Variants in TRAPPC8 observed in about 807,000 individuals in gnomAD.
TRAPPC8 encodes trafficking protein particle complex subunit 8, also known as general sporulation gene 1 homolog.
In TRAPPC8, 54 loss-of-function variants were observed where a neutral mutation model predicts 174.3. That is an observed-to-expected ratio of 0.31 (90% CI 0.25 to 0.39). TRAPPC8 has a LOEUF of 0.39. TRAPPC8 is among the 10% of genes least tolerant of loss of function. The pLI, the probability that TRAPPC8 is intolerant of heterozygous loss-of-function variation, is 1.00. For missense variants in TRAPPC8, 1,531 were observed against 1,699.1 expected (o/e 0.90, Z 1.74); for synonymous variants, 630 against 579.9 (o/e 1.09, Z -1.24).
At chr18:31,858,051 T>C (rs2145109258) in intron 19 of TRAPPC8, 69 bp from the exon 20 acceptor site, 1 of 1,316,366 alleles carries the variant, frequency 7.6e-7, no homozygotes, top group East Asian at 2.4e-5. Context: ...AATAACACTT[T>C]AAGACACTTT....
At chr18:31,898,966 G>A (rs952290796) in intron 10 of TRAPPC8, among the ~76,000 whole-genome samples, 8 of 152,014 alleles carry the variant, frequency 5.3e-5, no homozygotes, top group Non-Finnish European at 7.4e-5. Context: ...CATTCTAAAC[G>A]ATGAACAGTA....
At chr18:31,918,161 G>A (rs1217887128) in intron 2 of TRAPPC8, among the ~76,000 whole-genome samples, 2 of 151,814 alleles carry the variant, frequency 1.3e-5, no homozygotes, top group Non-Finnish European at 2.9e-5. Flanking sequence ...GAGTATATAT[G>A]TACACACACC....
intron 1 of TRAPPC8, among the ~76,000 whole-genome samples, chr18:31,932,654 A>C (rs866776098): frequency 6.6e-6 from 1 of 152,096 alleles, no homozygotes; most frequent in Non-Finnish European, 1.5e-5. Flanking sequence ...TTTTCACATA[A>C]TCAGACAAAA....
chr18:31,863,339 A>C (rs1433283177), intron 19 of TRAPPC8, among the ~76,000 whole-genome samples: 1 of 152,208 alleles, frequency 6.6e-6, no homozygotes, highest in Admixed American at 6.5e-5. Flanking sequence ...AAATTTATAT[A>C]TCTCTCCACC....
chr18:31,902,741 G>C (rs1214357699), intron 9 of TRAPPC8, among the ~76,000 whole-genome samples: 1 of 152,048 alleles, frequency 6.6e-6, no homozygotes, highest in African/African-American at 2.4e-5. Flanking sequence ...CCATTTGCCG[G>C]GTTTTCTGTT....
chr18:31,924,317 C>T (rs1411898971), intron 2 of TRAPPC8, among the ~76,000 whole-genome samples: 3 of 137,990 alleles, frequency 2.2e-5, no homozygotes, highest in Non-Finnish European at 4.7e-5. Context: ...AGTTGGGCGT[C>T]GTGGTGGGCG....
In TRAPPC8 at chr18:31,880,081, G is replaced by GAAAAAAAA. The variant is rs749972515; in HGVS notation, c.1729-5385_1729-5378dup. Among the ~76,000 whole-genome samples, 71 of 52,648 alleles carry GAAAAAAAA rather than the reference G, an allele frequency of 1.3e-3. 1 individual carries two copies. Among genetic ancestry groups the GAAAAAAAA allele is most frequent in the African/African-American group, 5.2e-3 (55 of 10,612 alleles). 34.5% of individuals were successfully genotyped at this position (52,648 alleles called of 152,430 possible). A position where few individuals can be genotyped will look rare whatever the true frequency, so the allele number is the denominator to read the frequency against. ...TGGTACCAATTTTACTGAAACTATTGAAAAAAAAAATATATATATATATAT... is the reference window on the plus strand; with the variant it reads ...TGGTACCAATTTTACTGAAACTATTGAAAAAAAAAAAAAAAAAATATATATATATATAT... On this transcript the variant is annotated intron_variant, in intron 12 of 28. Transcript: ENST00000283351.
At chr18:31,924,412 C>T (rs1404157067) in intron 2 of TRAPPC8, among the ~76,000 whole-genome samples, 2 of 150,392 alleles carry the variant, frequency 1.3e-5, no homozygotes, top group Non-Finnish European at 2.9e-5. Context: ...CAAGATCGCG[C>T]TAGTGCACTC....
chr18:31,901,640 CCAGA>C (rs1222542621), intron 9 of TRAPPC8, among the ~76,000 whole-genome samples: 1 of 152,130 alleles, frequency 6.6e-6, no homozygotes, highest in Non-Finnish European at 1.5e-5. Context: ...ATTCTGGTGT[CCAGA>C]CAATTACGAA....
intron 9 of TRAPPC8, among the ~76,000 whole-genome samples, chr18:31,903,121 CGT>C (rs3837889): frequency 0.01 from 1,555 of 149,048 alleles, 14 homozygotes; most frequent in African/African-American, 0.012. Flanking sequence ...TGCGTGCGTG[CGT>C]GTGTGTGTGT....
chr18:31,909,236 A>G (rs1173972055), intron 6 of TRAPPC8, among the ~76,000 whole-genome samples: 1 of 152,072 alleles, frequency 6.6e-6, no homozygotes, highest in Non-Finnish European at 1.5e-5. Context: ...GAAAATCGGT[A>G]TAAACCAGGA....
At chr18:31,869,002 CTT>C (rs111488120) in intron 16 of TRAPPC8, among the ~76,000 whole-genome samples, 28 of 141,214 alleles carry the variant, frequency 2.0e-4, no homozygotes, top group Admixed American at 1.4e-4. Flanking sequence ...TTCCAAAATC[CTT>C]TTTTTTTTTT....
At chr18:31,864,033 A>T (rs2034465133) in intron 19 of TRAPPC8, among the ~76,000 whole-genome samples, 1 of 147,976 alleles carries the variant, frequency 6.8e-6, no homozygotes, top group African/African-American at 2.4e-5. Flanking sequence ...AATATGTTCT[A>T]TAAAATATAA....
At chr18:31,866,602 GA>G (rs1284300152) in intron 18 of TRAPPC8, among the ~76,000 whole-genome samples, 1 of 151,964 alleles carries the variant, frequency 6.6e-6, no homozygotes, top group African/African-American at 2.4e-5. Flanking sequence ...ATCAGTGACA[GA>G]AAAAAATACA....
intron 19 of TRAPPC8, among the ~76,000 whole-genome samples, chr18:31,859,560 G>A (rs1018939311): frequency 6.6e-6 from 1 of 152,152 alleles, no homozygotes; most frequent in Non-Finnish European, 1.5e-5. Flanking sequence ...TATTCAGTGT[G>A]TAAAAACACA....
intron 12 of TRAPPC8, among the ~76,000 whole-genome samples, chr18:31,881,941 A>C (rs2035475903): frequency 6.6e-6 from 1 of 152,186 alleles, no homozygotes; most frequent in Admixed American, 6.5e-5. Flanking sequence ...ACCATCTCAT[A>C]CCAGTTTAGA....
Position 31,879,947 on chromosome 18 carries a change from T to C in TRAPPC8, c.1729-5243A>G, listed in dbSNP as rs2035335249. Among the ~76,000 whole-genome samples the C allele has an allele frequency of 2.8e-5, 4 of 145,316 alleles. No homozygotes were observed. In the South Asian group the frequency reaches 6.7e-4, roughly 24 times the overall value. ...CTCAAATCTTGAATAGGTCATTAAG[T>C]AGTTACAAAATTCCATCAGTAATTA... On this transcript the variant is annotated intron_variant, in intron 12 of 28. Transcript: ENST00000283351.
In TRAPPC8 at chr18:31,849,738, A is replaced by G; in HGVS notation, c.3563T>C (p.Ile1188Thr). 1 of 1,588,018 alleles carries G rather than the reference A, an allele frequency of 6.3e-7. No individual in the cohort carries two copies. Among genetic ancestry groups the G allele is most frequent in the South Asian group, 1.2e-5 (1 of 85,990 alleles). ...FADIIFGNEQIISSASPCADF... is the reference protein window; with the variant it reads ...FADIIFGNEQTISSASPCADF... ...TGCACATGGGCTTGCTGAACTTATT[A>G]TCTGTTAAAAGAAAATCACTTGTGT... The change falls in exon 25 of 29, where the codon ATA (isoleucine) becomes ACA (threonine). Residue 1188 changes from isoleucine (I) to threonine (T), a missense_variant and splice_region_variant. Ile to Thr is a moderately conservative substitution (Grantham distance 89). Transcript: ENST00000283351.
At chr18:31,850,285 A>G (rs908360745) in intron 24 of TRAPPC8, among the ~76,000 whole-genome samples, 8 of 152,152 alleles carry the variant, frequency 5.3e-5, no homozygotes, top group Admixed American at 2.6e-4. Flanking sequence ...CGTCACCCCA[A>G]AATAATTAAA....
Sources: gnomAD v4.1 joint callset for allele counts (sites outside exome capture counted in the v4.1 genomes callset) on GRCh38, gnomAD v4.1.1 for gene constraint, MANE v1.5 for transcripts, NCBI Gene and HGNC (gene_info 2026-07-23, HGNC 2026-07-21) for gene names.